Variants in ZNF69 observed in about 807,000 individuals in gnomAD.
ZNF69 encodes the protein ZNF3.
In ZNF69, 47 loss-of-function variants were observed where a neutral mutation model predicts 50.9. The observed-to-expected ratio is 0.92, with a 90% confidence interval of 0.73 to 1.18. The LOEUF is 1.18. ZNF69 is among the 50% of genes most tolerant of loss of function. The pLI, the probability that ZNF69 is intolerant of heterozygous loss-of-function variation, is 0.00. For missense variants in ZNF69, 717 were observed against 675.1 expected (o/e 1.06, Z -0.69); for synonymous variants, 216 against 223.1 (o/e 0.97, Z 0.29).
At chr19:11,947,407 T>C in the ZNF69 span, 1 of 1,603,592 alleles carries the variant, frequency 6.2e-7, no homozygotes, top group East Asian at 2.2e-5. Flanking sequence ...GGAAATACCT[T>C]GATGAATAAA....
intron 1 of ZNF69, among the ~76,000 whole-genome samples, chr19:11,901,410 C>T (rs141602008): frequency 2.0e-5 from 3 of 152,272 alleles, no homozygotes; most frequent in Admixed American, 6.5e-5. Flanking sequence ...ACATGCTTAG[C>T]GTTCCAAAAA....
the ZNF69 span, among the ~76,000 whole-genome samples, chr19:11,957,464 C>T: frequency 6.6e-6 from 1 of 151,968 alleles, no homozygotes; most frequent in African/African-American, 2.4e-5. Context: ...TAAAAAGAGT[C>T]TAGGTACTGA....
the ZNF69 span, among the ~76,000 whole-genome samples, chr19:11,945,473 A>G: frequency 6.6e-6 from 1 of 152,092 alleles, no homozygotes; most frequent in South Asian, 2.1e-4. Context: ...CTGGCAAAGG[A>G]CTATAATTCC....
the ZNF69 span, chr19:11,947,070 G>T: frequency 2.0e-6 from 3 of 1,475,706 alleles, no homozygotes; most frequent in Admixed American, 5.0e-5. Flanking sequence ...ACCGAAGCAG[G>T]GAATAAATGT....
chr19:11,960,117 C>T, the ZNF69 span, among the ~76,000 whole-genome samples: 5 of 151,694 alleles, frequency 3.3e-5, no homozygotes, highest in African/African-American at 9.7e-5. Context: ...TCACTGCAAC[C>T]TCTGCCTCCT....
chr19:11,919,462 A>C, the ZNF69 span, among the ~76,000 whole-genome samples: 1 of 151,904 alleles, frequency 6.6e-6, no homozygotes, highest in Non-Finnish European at 1.5e-5. Flanking sequence ...ACTCTCCTCA[A>C]AATATATACT....
chr19:11,968,705 A>G, the ZNF69 span, among the ~76,000 whole-genome samples: 2 of 152,136 alleles, frequency 1.3e-5, no homozygotes, highest in Non-Finnish European at 2.9e-5. Flanking sequence ...TAAGAGGGAA[A>G]TTAGTGTACT....
chr19:11,947,870 G>T, the ZNF69 span, among the ~76,000 whole-genome samples: 19 of 152,160 alleles, frequency 1.2e-4, no homozygotes, highest in South Asian at 3.3e-3. Flanking sequence ...TGGGCATTGT[G>T]GTGTGTATGC....
At chr19:11,921,533 C>T in the ZNF69 span, among the ~76,000 whole-genome samples, 70 of 151,872 alleles carry the variant, frequency 4.6e-4, no homozygotes, top group Non-Finnish European at 1.9e-4. Context: ...GACAGAGTCT[C>T]ACTCTGTCAT....
the ZNF69 span, among the ~76,000 whole-genome samples, chr19:11,968,240 G>A: frequency 3.7e-4 from 56 of 150,916 alleles, no homozygotes; most frequent in East Asian, 0.01. Flanking sequence ...GCTGATGTAT[G>A]AGGTACAATA....
intron 1 of ZNF69, among the ~76,000 whole-genome samples, chr19:11,898,440 G>C (rs1046362073): frequency 2.1e-5 from 3 of 146,322 alleles, no homozygotes; most frequent in African/African-American, 5.2e-5. Flanking sequence ...GCCCAGGCTG[G>C]AGGGCAGTGG....
intron 1 of ZNF69, among the ~76,000 whole-genome samples, chr19:11,895,169 C>A (rs891644599): frequency 6.6e-6 from 1 of 152,188 alleles, no homozygotes; most frequent in Admixed American, 6.5e-5. Context: ...ATTAACTTTA[C>A]GTTGCATTTT....
chr19:11,920,313 A>G, the ZNF69 span, among the ~76,000 whole-genome samples: 1 of 152,088 alleles, frequency 6.6e-6, no homozygotes, highest in Non-Finnish European at 1.5e-5. Context: ...AGGTTTCACC[A>G]TGTTGGCCAG....
chr19:11,897,394 G>T (rs897172804), intron 1 of ZNF69, among the ~76,000 whole-genome samples: 1 of 151,750 alleles, frequency 6.6e-6, no homozygotes, highest in African/African-American at 2.4e-5. Context: ...TTCCAGCATC[G>T]GCAACATGGC....
chr19:11,943,354 T>C, the ZNF69 span, among the ~76,000 whole-genome samples: 1 of 152,202 alleles, frequency 6.6e-6, no homozygotes, highest in Non-Finnish European at 1.5e-5. Flanking sequence ...GGCCAGTCTA[T>C]TTTGATAGAT....
chr19:11,903,851 T>C, intron 2 of ZNF69, 54 bp from the exon 3 acceptor site: 3 of 1,606,498 alleles, frequency 1.9e-6, no homozygotes, highest in South Asian at 1.1e-5. Context: ...AATCTAATAA[T>C]TTTTTCACAA....
At chr19:11,891,934 G>T (rs1977099127) in intron 1 of ZNF69, among the ~76,000 whole-genome samples, 1 of 151,970 alleles carries the variant, frequency 6.6e-6, no homozygotes, top group Non-Finnish European at 1.5e-5. Flanking sequence ...AAATATAATA[G>T]GATTGCATTT....
chr19:11,963,065 G>A, the ZNF69 span, among the ~76,000 whole-genome samples: 2 of 150,908 alleles, frequency 1.3e-5, no homozygotes, highest in Admixed American at 6.6e-5. Context: ...GTTTCCCCAG[G>A]TAGTTTGGTG....
At chr19:11,896,168 G>A (rs897343262) in intron 1 of ZNF69, among the ~76,000 whole-genome samples, 4 of 133,600 alleles carry the variant, frequency 3.0e-5, no homozygotes, top group East Asian at 2.2e-4. Context: ...GCAGTGAGCC[G>A]AGATCACACC....
Sources: gnomAD v4.1 joint callset for allele counts (sites outside exome capture counted in the v4.1 genomes callset) on GRCh38, gnomAD v4.1.1 for gene constraint, MANE v1.5 for transcripts, NCBI Gene and HGNC (gene_info 2026-07-23, HGNC 2026-07-21) for gene names.